The following TNS1 variants were observed in gnomAD, a reference collection of about 807,000 sequenced individuals.
TNS1 encodes tensin-1.
Under a neutral mutation model 168.6 loss-of-function variants are expected in TNS1, and 62 were observed. That is an observed-to-expected ratio of 0.37 (90% confidence interval 0.30 to 0.45). TNS1 has a LOEUF of 0.45. Among genes scored for constraint, TNS1 ranks in the 20% least tolerant of loss-of-function variants. The pLI is 1.00. For synonymous variants in TNS1, 934 were observed against 933.2 expected (o/e 1.00, Z -0.02); for missense variants, 2,240 against 2,339.4 (o/e 0.96, Z 0.88).
intron 32 of TNS1, among the ~76,000 whole-genome samples, chr2:217,807,011 CTGA>C (rs1175065835): frequency 6.6e-6 from 1 of 152,252 alleles, no homozygotes; most frequent in Non-Finnish European, 1.5e-5. Flanking sequence ...CTCTGAGGTG[CTGA>C]TGTGTTCTCC....
Position 217,809,960 on chromosome 2 carries a change from G to A in TNS1, c.5136C>T (p.Asp1712=), listed in dbSNP as rs144892778. The A allele has an allele frequency of 6.0e-5, 96 of 1,612,312 alleles. No individual in the cohort carries two copies. The African/African-American group carries it at 1.2e-3, about 21-fold the overall frequency. The change falls in exon 30 of 33, where the codon GAC becomes GAT. Residue 1712 remains aspartate, a synonymous_variant. Coordinates refer to ENST00000682258, the MANE Select transcript of TNS1 (RefSeq NM_001387777.1). Reference sequence around the variant, plus strand: ...CCTGTGGCCCAGTGAGTGACTCCATGTCCACAGAGTTGACGAAGAGCACAT... The same window carrying A: ...CCTGTGGCCCAGTGAGTGACTCCATATCCACAGAGTTGACGAAGAGCACAT... ...ACNVLFVNSV[D]MESLTGPQAI...
intron 19 of TNS1, among the ~76,000 whole-genome samples, chr2:217,846,986 A>C (rs1946736940): frequency 6.6e-6 from 1 of 152,234 alleles, no homozygotes; most frequent in South Asian, 2.1e-4. Flanking sequence ...GCGGGACCTA[A>C]GAGGGAATTT....
intron 27 of TNS1, 130 bp from the exon 28 acceptor site, chr2:217,812,575 A>G (rs768527935): frequency 5.4e-5 from 37 of 687,094 alleles, no homozygotes; most frequent in Non-Finnish European, 8.2e-5. Flanking sequence ...CCCACCACCA[A>G]AGCTGAAAAT....
At chr2:217,921,610 G>T (rs151297637) in intron 3 of TNS1, among the ~76,000 whole-genome samples, 749 of 152,310 alleles carry the variant, frequency 4.9e-3, no homozygotes, top group Middle Eastern at 0.01. Flanking sequence ...CTGGGTTTTT[G>T]ACACAGTCGG....
At chr2:218,031,205 AGT>A (rs1203101888) in intron 1 of TNS1, among the ~76,000 whole-genome samples, 4 of 112,446 alleles carry the variant, frequency 3.6e-5, no homozygotes, top group Non-Finnish European at 5.3e-5. Flanking sequence ...TATGTGTGTG[AGT>A]GTGTCTGTGT....
chr2:217,848,732 G>T lies in TNS1; in HGVS notation c.1785C>A (p.Gly595=). The change falls in exon 19 of 33, where the codon GGC becomes GGA. Residue 595 remains glycine, a synonymous_variant. Coordinates refer to ENST00000682258, the MANE Select transcript of TNS1 (RefSeq NM_001387777.1). ...TQHLRSRPAG[G]SAVPSSGRHV... is the part of the protein sequence containing the mutation. Reference sequence around the variant, plus strand: ...GGCGTCCAGAGGAGGGCACAGCCGAGCCCCCTGCTGGGCGGGACCTGAGGT... The same window carrying T: ...GGCGTCCAGAGGAGGGCACAGCCGATCCCCCTGCTGGGCGGGACCTGAGGT... The T allele has an allele frequency of 2.5e-6, 4 of 1,614,212 alleles. No individual in the cohort carries two copies. Among genetic ancestry groups the T allele is most frequent in the Non-Finnish European group, 3.4e-6 (4 of 1,180,028 alleles).
Position 217,818,343 on chromosome 2 carries a change from T to C in TNS1, c.3989A>G (p.His1330Arg). 4 of 1,614,070 alleles carry C rather than the reference T, an allele frequency of 2.5e-6. No homozygotes were observed. Among genetic ancestry groups the C allele is most frequent in the South Asian group, 1.1e-5 (1 of 91,080 alleles). Residue 1330 changes from histidine to arginine, a missense_variant, in exon 24 of 33, where the codon CAT becomes CGT. Transcript: ENST00000682258. ...QMMGPPGTGF[H>R]GSTVSSPQSS... The stretch of plus-strand genomic sequence containing the variant: ...CTGGGGGCTGGAGACAGTGCTACCA[T>C]GGAAGCCAGTGCCTGGTGGACCCAT...
chr2:217,991,436 C>T (rs1457436786), intron 1 of TNS1, among the ~76,000 whole-genome samples: 2 of 152,144 alleles, frequency 1.3e-5, no homozygotes, highest in Non-Finnish European at 2.9e-5. Context: ...AGAGCCACAT[C>T]CCCGAAGACT....
intron 3 of TNS1, among the ~76,000 whole-genome samples, chr2:217,954,175 T>C (rs1957306222): frequency 6.6e-6 from 1 of 152,134 alleles, no homozygotes; most frequent in Non-Finnish European, 1.5e-5. Context: ...CAGTGCCGCA[T>C]GTGGAAGGAG....
At chr2:217,865,666 A>G (rs928098436) in intron 18 of TNS1, among the ~76,000 whole-genome samples, 2 of 152,218 alleles carry the variant, frequency 1.3e-5, no homozygotes, top group African/African-American at 4.8e-5. Context: ...CCCCACATCC[A>G]TCAACAGCTC....
At chr2:217,879,670 CT>C (rs1342052850) in intron 18 of TNS1, among the ~76,000 whole-genome samples, 7 of 152,278 alleles carry the variant, frequency 4.6e-5, no homozygotes, top group Admixed American at 1.3e-4. Flanking sequence ...TGTGCTCATT[CT>C]GGTGACCCCA....
At chr2:217,843,898 C>A (rs1946308985) in intron 19 of TNS1, among the ~76,000 whole-genome samples, 1 of 152,092 alleles carries the variant, frequency 6.6e-6, no homozygotes, top group African/African-American at 2.4e-5. Context: ...AGAATGATTC[C>A]AAAACCTGTA....
chr2:217,830,392 T>G, intron 22 of TNS1: 1 of 1,614,042 alleles, frequency 6.2e-7, no homozygotes, highest in East Asian at 2.2e-5. Flanking sequence ...TTCTGGTAAC[T>G]AAGGAAAAAA....
rs369658284 is a variant in TNS1, at chr2:218,018,643, G to A, written c.156+15177C>T. On this transcript the variant is annotated intron_variant, in intron 1 of 1. Transcript: ENST00000649572. ...TTAAGTTTTCTGTCTCTGAGGGGCAGACTGAGGTGCACAGGCTGAGGATGT... is the reference window on the plus strand; with the variant it reads ...TTAAGTTTTCTGTCTCTGAGGGGCAAACTGAGGTGCACAGGCTGAGGATGT... Among the ~76,000 whole-genome samples the A allele has an allele frequency of 4.1e-4, 62 of 152,344 alleles. 1 individual carries two copies. Among genetic ancestry groups the A allele is most frequent in the African/African-American group, 1.5e-3 (61 of 41,578 alleles).
intron 3 of TNS1, among the ~76,000 whole-genome samples, chr2:217,921,163 G>C (rs1330810211): frequency 6.6e-6 from 1 of 152,206 alleles, no homozygotes; most frequent in Non-Finnish European, 1.5e-5. Flanking sequence ...GACTGAATGT[G>C]CTCCTTTTTT....
At chr2:217,810,538 G>A (rs1001371828) in intron 28 of TNS1, among the ~76,000 whole-genome samples, 3 of 152,102 alleles carry the variant, frequency 2.0e-5, no homozygotes, top group African/African-American at 7.2e-5. Flanking sequence ...AGCAGAACTG[G>A]GCTCAAACCC....
chr2:218,007,463 A>C (rs887057099), upstream of TNS1, among the ~76,000 whole-genome samples: 1 of 150,456 alleles, frequency 6.6e-6, no homozygotes. Context: ...ATGTTCTTAC[A>C]GCAATACGGC....
At chr2:217,886,321 A>G (rs1219745480) in intron 13 of TNS1, among the ~76,000 whole-genome samples, 1 of 152,222 alleles carries the variant, frequency 6.6e-6, no homozygotes, top group Non-Finnish European at 1.5e-5. Context: ...TAATAAAAAC[A>G]TTGCCCATCC....
chr2:217,911,115 C>T (rs1954355374), intron 4 of TNS1, among the ~76,000 whole-genome samples: 8 of 152,182 alleles, frequency 5.3e-5, no homozygotes, highest in African/African-American at 1.9e-4. Flanking sequence ...CCACCCACTG[C>T]CCAGTCCCAG....
Sources: allele counts gnomAD v4.1 joint callset (sites outside exome capture counted in the v4.1 genomes callset), GRCh38; gene constraint gnomAD v4.1.1; transcripts MANE v1.5; gene names NCBI Gene and HGNC (gene_info 2026-07-23, HGNC 2026-07-21).